EYA1: variants seen among roughly 807,000 people sequenced by gnomAD.
The protein encoded by EYA1 is protein phosphatase EYA1.
Under a neutral mutation model 82.0 loss-of-function variants are expected in EYA1, and 16 were observed. That is an observed-to-expected ratio of 0.20 (90% CI 0.13 to 0.30). The LOEUF is 0.30. Ranked by LOEUF, EYA1 falls within the 10% of genes least tolerant of loss-of-function variation. The probability of loss-of-function intolerance (pLI) is 1.00; values close to 1 mark genes in which losing one functional copy is unlikely to be tolerated. For missense variants in EYA1, 633 were observed against 730.7 expected, an observed-to-expected ratio of 0.87 and a Z score of 1.54; for synonymous variants, 261 against 264.4, an observed-to-expected ratio of 0.99 and a Z score of 0.12.
intron 12 of EYA1, among the ~76,000 whole-genome samples, chr8:71,230,189 G>T (rs539600364): frequency 1.3e-5 from 2 of 152,180 alleles, no homozygotes; most frequent in South Asian, 4.2e-4. Context: ...AAAAAAAAAG[G>T]TCTAAGGGCA....
chr8:71,305,593 C>G (rs756030022), intron 7 of EYA1, among the ~76,000 whole-genome samples: 1 of 151,906 alleles, frequency 6.6e-6, no homozygotes, highest in African/African-American at 2.4e-5. Context: ...TTTCAGTGAG[C>G]CGAGATCATG....
chr8:71,403,522 A>T (rs144259165), intron 2 of EYA1: 21 of 152,302 alleles, frequency 1.4e-4, no homozygotes, highest in African/African-American at 4.8e-4. Flanking sequence ...CGGACTTGAG[A>T]TTATATCCTA....
Position 71,334,089 on chromosome 8 carries a change from T to A in EYA1, c.202+8A>T, listed in dbSNP as rs768176235. 3.7e-6 allele frequency: 6 copies of A among 1,606,320 alleles called. No homozygotes were observed. In the Admixed American group the frequency reaches 1.0e-4, roughly 27 times the overall value. Reference sequence around the variant, plus strand: ...TGTTGATGTGAAAATCTAATATTTATTCCTTACCTGAACCTGAGAAATTGT... The same window carrying A: ...TGTTGATGTGAAAATCTAATATTTAATCCTTACCTGAACCTGAGAAATTGT... On this transcript the variant is annotated splice_region_variant and intron_variant, in intron 4 of 17. Transcript: ENST00000340726.
Position 71,271,913 on chromosome 8 carries a change from A to AT in EYA1, c.827-17_827-16insA. The AT allele has an allele frequency of 6.2e-7, 1 of 1,614,094 alleles. No homozygotes were observed. Among genetic ancestry groups the AT allele is most frequent in the South Asian group, 1.1e-5 (1 of 91,080 alleles). On this transcript the variant is annotated splice_polypyrimidine_tract_variant and intron_variant, in intron 9 of 17. Coordinates refer to ENST00000340726, the MANE Select transcript of EYA1 (RefSeq NM_000503.6). Reference sequence around the variant, plus strand: ...GTGCTGTACTCTGCAGGAATATAGGAAGGACTTTCATCTTTTATTTCCATC... The same window carrying AT: ...GTGCTGTACTCTGCAGGAATATAGGATAGGACTTTCATCTTTTATTTCCATC...
intron 12 of EYA1, among the ~76,000 whole-genome samples, chr8:71,220,850 G>GC (rs1413477570): frequency 6.6e-6 from 1 of 152,178 alleles, no homozygotes; most frequent in Non-Finnish European, 1.5e-5. Flanking sequence ...GGAGGAAGGA[G>GC]CCAGGAGAGG....
chr8:71,474,629 A>C (rs1015841022), intron 2 of EYA1, among the ~76,000 whole-genome samples: 3 of 152,216 alleles, frequency 2.0e-5, no homozygotes, highest in Admixed American at 2.0e-4. Flanking sequence ...GAAAATTATA[A>C]TCTACTATAC....
chr8:71,441,024 AC>A (rs1313009476), intron 2 of EYA1, among the ~76,000 whole-genome samples: 22 of 152,282 alleles, frequency 1.4e-4, no homozygotes, highest in Non-Finnish European at 2.5e-4. Flanking sequence ...ATTCATCAAA[AC>A]CACTGATAAG....
upstream of EYA1, among the ~76,000 whole-genome samples, chr8:71,362,416 TG>T (rs1255652566): frequency 2.6e-5 from 4 of 152,038 alleles, no homozygotes; most frequent in Non-Finnish European, 5.9e-5. Context: ...TTAAGATCTT[TG>T]GGGAGTAGTT....
intron 9 of EYA1, among the ~76,000 whole-genome samples, chr8:71,273,934 TTCC>T (rs1401241654): frequency 6.6e-6 from 1 of 152,254 alleles, no homozygotes; most frequent in African/African-American, 2.4e-5. Flanking sequence ...TAGCCTAGAT[TTCC>T]TCCTATTGAT....
chr8:71,341,743 G>A (rs1825148162), intron 3 of EYA1, among the ~76,000 whole-genome samples: 1 of 152,068 alleles, frequency 6.6e-6, no homozygotes, highest in Admixed American at 6.6e-5. Flanking sequence ...TCTTAAAGGA[G>A]GGCAGGAAAA....
intron 2 of EYA1, among the ~76,000 whole-genome samples, chr8:71,431,965 G>T (rs964918078): frequency 3.3e-5 from 5 of 152,046 alleles, no homozygotes; most frequent in African/African-American, 1.2e-4. Flanking sequence ...GCTATCCCAG[G>T]GTCCACATTT....
At chr8:71,237,061 T>C (rs535354637) in intron 12 of EYA1, among the ~76,000 whole-genome samples, 27 of 151,982 alleles carry the variant, frequency 1.8e-4, no homozygotes, top group African/African-American at 6.5e-4. Context: ...TTCTTTTCTT[T>C]TTTTTTTTTG....
chr8:71,526,466 TGGG>T (rs1177994546), intron 2 of EYA1, among the ~76,000 whole-genome samples: 1 of 152,190 alleles, frequency 6.6e-6, no homozygotes, highest in Non-Finnish European at 1.5e-5. Context: ...GGCAGAAATC[TGGG>T]AGCAGTTTAG....
intron 16 of EYA1, 93 bp from the exon 17 acceptor site, chr8:71,211,349 C>A: frequency 1.2e-6 from 1 of 828,752 alleles, no homozygotes; most frequent in Admixed American, 1.8e-5. Flanking sequence ...TTTCTTCATG[C>A]TCTGATTCGA....
chr8:71,290,375 C>T lies in EYA1; in HGVS notation c.826+8672G>A, dbSNP rs151048574. On this transcript the variant is annotated intron_variant, in intron 9 of 17. Transcript: ENST00000340726. Reference sequence around the variant, plus strand: ...ACTGATATGTGTTGGTCCCATATGACACTTAATATGTAACAGTTTTTCAAA... The same window carrying T: ...ACTGATATGTGTTGGTCCCATATGATACTTAATATGTAACAGTTTTTCAAA... 9.6e-3 allele frequency among the ~76,000 whole-genome samples: 1,462 copies of T among 152,206 alleles called. 10 individuals carry two copies. Among genetic ancestry groups the T allele is most frequent in the Non-Finnish European group, 0.015 (1,027 of 68,020 alleles).
At chr8:71,501,724 A>G (rs906018190) in intron 2 of EYA1, among the ~76,000 whole-genome samples, 3 of 152,232 alleles carry the variant, frequency 2.0e-5, no homozygotes, top group African/African-American at 7.2e-5. Flanking sequence ...CAAAGTCAGG[A>G]TCGTGATTCA....
chr8:71,299,237 C>G lies in EYA1; in HGVS notation c.640-4G>C, dbSNP rs757754363. ...AACTGGGATAAGACGGATAGTCCTA[C>G]CAAATCAAACCACACAAGAATTGTC... is the stretch of plus-strand genomic sequence containing the variant. On this transcript the variant is annotated splice_region_variant and splice_polypyrimidine_tract_variant and intron_variant, in intron 8 of 17. Coordinates refer to ENST00000340726, the MANE Select transcript of EYA1 (RefSeq NM_000503.6). 48 of 1,613,570 alleles carry G rather than the reference C, an allele frequency of 3.0e-5. No homozygotes were observed. Among genetic ancestry groups the G allele is most frequent in the Non-Finnish European group, 3.6e-5 (42 of 1,179,620 alleles).
At chr8:71,368,713 C>A (rs1827903638) in intron 2 of EYA1, among the ~76,000 whole-genome samples, 1 of 152,002 alleles carries the variant, frequency 6.6e-6, no homozygotes, top group African/African-American at 2.4e-5. Flanking sequence ...TAAAAATGGA[C>A]ACAAATACGG....
chr8:71,430,563 C>A (rs899311768), intron 2 of EYA1, among the ~76,000 whole-genome samples: 3 of 152,296 alleles, frequency 2.0e-5, no homozygotes, highest in African/African-American at 7.2e-5. Context: ...CAGTGCCCTG[C>A]ATCATCACTT....
Sources: gnomAD v4.1 joint callset for allele counts (sites outside exome capture counted in the v4.1 genomes callset) on GRCh38, gnomAD v4.1.1 for gene constraint, MANE v1.5 for transcripts, NCBI Gene and HGNC (gene_info 2026-07-23, HGNC 2026-07-21) for gene names.